Variants in SLC17A8 observed in about 807,000 individuals in gnomAD.
SLC17A8 encodes the protein solute carrier family 17 member 8.
SLC17A8 carries 31 observed loss-of-function variants against 58.0 expected under a neutral mutation model. The ratio of observed to expected loss-of-function variants is 0.53; its 90% CI spans 0.40 to 0.72. The LOEUF (loss-of-function observed/expected upper bound fraction) is 0.72. Among genes scored for constraint, SLC17A8 ranks in the 30% least tolerant of loss-of-function variants. SLC17A8 has a pLI of 0.00. For missense variants in SLC17A8, 655 were observed against 727.8 expected (o/e 0.90, Z 1.15); for synonymous variants, 228 against 249.0 (o/e 0.92, Z 0.79).
In SLC17A8 at chr12:100,402,463, A is replaced by G. The variant is rs1593003194; in HGVS notation, c.887A>G (p.Asn296Ser). The change falls in exon 7 of 12, where the codon AAC (asparagine) becomes AGC (serine). Residue 296 changes from asparagine to serine, a missense_variant. Asn to Ser is a conservative substitution (Grantham distance 46). Coordinates refer to ENST00000323346, the MANE Select transcript of SLC17A8 (RefSeq NM_139319.3). ...GAGACAAGCATAGGAGAGGGGGCCAACGTGGTTAGTCTAAGTGTAAGTATA... is the reference window on the plus strand; with the variant it reads ...GAGACAAGCATAGGAGAGGGGGCCAGCGTGGTTAGTCTAAGTGTAAGTATA... ...YIETSIGEGA[N>S]VVSLSKFSTP... 1 of 1,614,142 alleles carries G rather than the reference A, an allele frequency of 6.2e-7. No individual in the cohort carries two copies. Among genetic ancestry groups the G allele is most frequent in the Non-Finnish European group, 8.5e-7 (1 of 1,180,028 alleles).
chr12:100,358,147 A>T (rs932723365), intron 1 of SLC17A8, among the ~76,000 whole-genome samples: 1 of 152,208 alleles, frequency 6.6e-6, no homozygotes, highest in East Asian at 1.9e-4. Context: ...AGAGTTTGCT[A>T]TAAATGATTG....
chr12:100,381,625 C>A (rs1483763268), intron 2 of SLC17A8, among the ~76,000 whole-genome samples: 1 of 151,836 alleles, frequency 6.6e-6, no homozygotes, highest in Non-Finnish European at 1.5e-5. Flanking sequence ...ATTTTAGGAA[C>A]TGAAACAGGA....
intron 10 of SLC17A8, among the ~76,000 whole-genome samples, chr12:100,417,622 A>T (rs1175488117): frequency 6.6e-6 from 1 of 152,210 alleles, no homozygotes; most frequent in Non-Finnish European, 1.5e-5. Flanking sequence ...GCCTTTTAAG[A>T]GTAAGTCAGG....
At chr12:100,382,429 G>T (rs1952644205) in intron 2 of SLC17A8, among the ~76,000 whole-genome samples, 1 of 152,194 alleles carries the variant, frequency 6.6e-6, no homozygotes, top group South Asian at 2.1e-4. Context: ...AAGTACTGAG[G>T]TTATGGGGTA....
At chr12:100,393,244 A>G (rs1952729082) in intron 3 of SLC17A8, 125 bp from the exon 4 acceptor site, 1 of 684,288 alleles carries the variant, frequency 1.5e-6, no homozygotes, top group Non-Finnish European at 2.7e-6. Context: ...GATTACAGGT[A>G]CGATCTTTCC....
intron 1 of SLC17A8, among the ~76,000 whole-genome samples, chr12:100,365,309 C>A (rs145049138): frequency 2.7e-4 from 41 of 152,244 alleles, no homozygotes; most frequent in African/African-American, 9.4e-4. Flanking sequence ...GGCCTTGTCC[C>A]AGAATCCTAA....
chr12:100,414,955 G>C (rs1010125164), intron 10 of SLC17A8, among the ~76,000 whole-genome samples: 1 of 152,208 alleles, frequency 6.6e-6, no homozygotes, highest in Non-Finnish European at 1.5e-5. Flanking sequence ...AGCAAGGGCA[G>C]AGCAATCACG....
intron 5 of SLC17A8, among the ~76,000 whole-genome samples, chr12:100,397,344 G>A (rs1342640919): frequency 1.3e-5 from 2 of 152,118 alleles, no homozygotes; most frequent in Non-Finnish European, 2.9e-5. Context: ...CTCCTACCAT[G>A]TACACATTGT....
intron 2 of SLC17A8, among the ~76,000 whole-genome samples, chr12:100,388,527 C>G (rs1592996891): frequency 6.6e-6 from 1 of 152,258 alleles, no homozygotes; most frequent in African/African-American, 2.4e-5. Context: ...ACTTTCTAAT[C>G]CGTAAAATGA....
chr12:100,384,315 T>G (rs576326962), intron 2 of SLC17A8, among the ~76,000 whole-genome samples: 2 of 152,022 alleles, frequency 1.3e-5, no homozygotes, highest in Non-Finnish European at 2.9e-5. Context: ...AGGGGATTAT[T>G]GGGGCCCGGC....
intron 6 of SLC17A8, 92 bp from the exon 7 acceptor site, chr12:100,402,248 A>T (rs764989629): frequency 1.4e-6 from 2 of 1,470,764 alleles, no homozygotes; most frequent in Non-Finnish European, 1.9e-6. Context: ...TACCCATTTT[A>T]CCTGAAAAAA....
intron 1 of SLC17A8, among the ~76,000 whole-genome samples, chr12:100,376,897 C>G (rs1952598254): frequency 6.6e-6 from 1 of 152,104 alleles, no homozygotes; most frequent in Admixed American, 6.6e-5. Context: ...GTAACCTCTG[C>G]CTCCAAGGTT....
intron 1 of SLC17A8, 105 bp downstream of exon 1, chr12:100,357,597 G>T: frequency 1.3e-6 from 1 of 783,890 alleles, no homozygotes; most frequent in Admixed American, 1.9e-5. Context: ...AATGAGGAGA[G>T]GATGGGTCAG....
intron 1 of SLC17A8, among the ~76,000 whole-genome samples, chr12:100,371,516 C>T (rs1003101654): frequency 1.3e-5 from 2 of 152,182 alleles, no homozygotes; most frequent in African/African-American, 4.8e-5. Flanking sequence ...CCAGCTGCAG[C>T]TGGATGATCC....
At chr12:100,389,171 T>G (rs1952696138) in intron 2 of SLC17A8, among the ~76,000 whole-genome samples, 1 of 152,222 alleles carries the variant, frequency 6.6e-6, no homozygotes, top group Non-Finnish European at 1.5e-5. Context: ...GAGAATCACA[T>G]TTTCAATGGC....
chr12:100,395,804 G>T (rs573637763), intron 4 of SLC17A8, among the ~76,000 whole-genome samples: 22 of 152,100 alleles, frequency 1.4e-4, no homozygotes, highest in African/African-American at 5.1e-4. Context: ...GTAGAGATGG[G>T]GTTTCATCAC....
At position 100,404,502 on chromosome 12, in the gene SLC17A8, G is replaced by GCACACACACACACACA. The variant is rs4015906; in HGVS notation, c.1186+348_1186+363dup. 9.3e-3 allele frequency: 2,170 copies of GCACACACACACACACA among 232,964 alleles called. 84 individuals are homozygous for GCACACACACACACACA. The highest frequency in any genetic ancestry group is 0.014 in the Middle Eastern group (8 of 590). 14.4% of individuals were successfully genotyped at this position (232,964 alleles called of 1,614,324 possible). A position where few individuals can be genotyped will look rare whatever the true frequency, so the allele number is the denominator to read the frequency against. On this transcript the variant is annotated intron_variant, in intron 9 of 11. Coordinates refer to ENST00000323346, the MANE Select transcript of SLC17A8 (RefSeq NM_139319.3). ...GCCTATGCTTGTGCATGGGATATAT[G>GCACACACACACACACA]CACACACACACACACACACACACAC...
intron 2 of SLC17A8, among the ~76,000 whole-genome samples, chr12:100,384,122 C>T (rs563671560): frequency 6.6e-6 from 1 of 152,336 alleles, no homozygotes; most frequent in East Asian, 1.9e-4. Context: ...TTTCTCATTA[C>T]TCTCAGGAAA....
At chr12:100,377,348 G>A (rs2135981799) in intron 1 of SLC17A8, among the ~76,000 whole-genome samples, 1 of 152,058 alleles carries the variant, frequency 6.6e-6, no homozygotes, top group African/African-American at 2.4e-5. Flanking sequence ...AATTACCTAA[G>A]TTTGATAACT....
Sources: gnomAD v4.1 joint callset for allele counts (sites outside exome capture counted in the v4.1 genomes callset) on GRCh38, gnomAD v4.1.1 for gene constraint, MANE v1.5 for transcripts, NCBI Gene and HGNC (gene_info 2026-07-23, HGNC 2026-07-21) for gene names.